Variants in SENP1 observed in about 807,000 individuals in gnomAD.
SENP1 encodes SUMO specific peptidase 1, also known as sentrin-specific protease 1.
In SENP1, 21 loss-of-function variants were observed where a neutral mutation model predicts 93.0. That is an observed-to-expected ratio of 0.23 (90% confidence interval 0.16 to 0.33). The LOEUF (loss-of-function observed/expected upper bound fraction) is 0.33. SENP1 is among the 10% of genes least tolerant of loss of function. The pLI is 1.00. For missense variants in SENP1, 591 were observed against 758.7 expected, an observed-to-expected ratio of 0.78 and a Z score of 2.60; for synonymous variants, 256 against 259.6, an observed-to-expected ratio of 0.99 and a Z score of 0.13.
chr12:48,055,086 G>A (rs141161949), intron 13 of SENP1: 524 of 224,578 alleles, frequency 2.3e-3, no homozygotes, highest in Non-Finnish European at 3.3e-3. Flanking sequence ...ACCAGTCGCC[G>A]TGGTATTTTC....
intron 13 of SENP1, 99 bp downstream of exon 13, chr12:48,063,611 T>A: frequency 8.4e-7 from 1 of 1,188,566 alleles, no homozygotes; most frequent in South Asian, 1.4e-5. Flanking sequence ...CCAATGCAGG[T>A]CATCCATGGA....
chr12:48,045,200 G>T lies in SENP1; in HGVS notation c.*122C>A. The T allele has an allele frequency of 1.4e-6, 1 of 739,384 alleles. No homozygotes were observed. Among genetic ancestry groups the T allele is most frequent in the Non-Finnish European group, 2.4e-6 (1 of 418,884 alleles). 45.8% of individuals were successfully genotyped at this position (739,384 alleles called of 1,614,324 possible). A position where few individuals can be genotyped will look rare whatever the true frequency, so the allele number is the denominator to read the frequency against. ...TTGTGAATGCATCTCGCCAGGGCCT[G>T]GTCCAGGATCAAGGGTGTTACAACA... is the stretch of plus-strand genomic sequence containing the variant. On this transcript the variant is annotated 3_prime_UTR_variant, in exon 18 of 18. Coordinates refer to ENST00000549518, the MANE Select transcript of SENP1 (RefSeq NM_001267594.2).
chr12:48,060,321 T>A (rs1942873888), intron 13 of SENP1, among the ~76,000 whole-genome samples: 1 of 152,240 alleles, frequency 6.6e-6, no homozygotes, highest in Non-Finnish European at 1.5e-5. Flanking sequence ...TAAATTTATC[T>A]GATGCCTTTT....
At chr12:48,089,758 T>C (rs1006140334) in intron 4 of SENP1, among the ~76,000 whole-genome samples, 1 of 152,174 alleles carries the variant, frequency 6.6e-6, no homozygotes, top group Non-Finnish European at 1.5e-5. Flanking sequence ...CAAAATAACT[T>C]CAGACATTAA....
intron 8 of SENP1, among the ~76,000 whole-genome samples, chr12:48,074,018 C>T (rs1464380174): frequency 6.6e-6 from 1 of 152,150 alleles, no homozygotes; most frequent in Non-Finnish European, 1.5e-5. Context: ...TTCAGTATCC[C>T]TTATCCAAAA....
Position 48,050,335 on chromosome 12 carries a change from G to C in SENP1, c.1408-1203C>G, listed in dbSNP as rs1941703592. On this transcript the variant is annotated intron_variant, in intron 13 of 17. Coordinates refer to ENST00000549518, the MANE Select transcript of SENP1 (RefSeq NM_001267594.2). ...AACGACATACTGGGTAGGCAGCAGGGGAACACTGCCAGGAACACACCGGAG... is the reference window on the plus strand; with the variant it reads ...AACGACATACTGGGTAGGCAGCAGGCGAACACTGCCAGGAACACACCGGAG... Among the ~76,000 whole-genome samples, 6 of 152,336 alleles carry C rather than the reference G, an allele frequency of 3.9e-5. No homozygotes were observed. The South Asian group carries it at 1.2e-3, about 32-fold the overall frequency.
intron 1 of SENP1, 45 bp downstream of exon 1, chr12:48,105,983 C>A (rs955578449): frequency 1.4e-5 from 10 of 699,978 alleles, no homozygotes; most frequent in South Asian, 4.5e-5. Flanking sequence ...CTGGACCAGG[C>A]TCCCTCCATC....
intron 4 of SENP1, 150 bp downstream of exon 4, chr12:48,096,193 A>G: frequency 1.8e-6 from 1 of 541,026 alleles, no homozygotes. Flanking sequence ...CCACATACAC[A>G]GGAAAAGCCA....
intron 8 of SENP1, among the ~76,000 whole-genome samples, 176 bp from the exon 9 acceptor site, chr12:48,071,897 T>C (rs556593036): frequency 2.6e-5 from 4 of 152,300 alleles, no homozygotes; most frequent in South Asian, 2.1e-4. Context: ...AGAACAGAAA[T>C]AGGTCTTAGT....
At chr12:48,077,518 T>A (rs1944183905) in intron 6 of SENP1, among the ~76,000 whole-genome samples, 1 of 152,212 alleles carries the variant, frequency 6.6e-6, no homozygotes, top group Admixed American at 6.5e-5. Flanking sequence ...GAAGAGACTG[T>A]CCTTTCCCTT....
chr12:48,083,290 T>A (rs1944614537), intron 6 of SENP1, among the ~76,000 whole-genome samples: 1 of 151,964 alleles, frequency 6.6e-6, no homozygotes, highest in South Asian at 2.1e-4. Context: ...CTAGCAAAGA[T>A]CAAAGAGAGA....
At chr12:48,104,952 T>C (rs1258343750) in intron 1 of SENP1, among the ~76,000 whole-genome samples, 2 of 152,228 alleles carry the variant, frequency 1.3e-5, no homozygotes, top group Non-Finnish European at 2.9e-5. Flanking sequence ...GGAAGTAGGT[T>C]AAGGGATCAT....
intron 2 of SENP1, among the ~76,000 whole-genome samples, chr12:48,100,423 G>A (rs1592491674): frequency 1.3e-5 from 2 of 152,186 alleles, no homozygotes; most frequent in African/African-American, 4.8e-5. Context: ...GTGAGGTCAG[G>A]AGTTCAAGAC....
At chr12:48,069,427 A>G (rs1196428955) in intron 9 of SENP1, among the ~76,000 whole-genome samples, 1 of 152,194 alleles carries the variant, frequency 6.6e-6, no homozygotes, top group African/African-American at 2.4e-5. Flanking sequence ...GCATTGCTCA[A>G]ACAGCCTTAC....
At chr12:48,085,189 C>A (rs1254566633) in intron 5 of SENP1, 3 of 1,469,376 alleles carry the variant, frequency 2.0e-6, no homozygotes, top group Middle Eastern at 1.7e-4. Flanking sequence ...GAGAAGGATA[C>A]GACCATCAAT....
chr12:48,087,568 A>T (rs1027850425), intron 5 of SENP1, among the ~76,000 whole-genome samples: 1 of 152,230 alleles, frequency 6.6e-6, no homozygotes, highest in African/African-American at 2.4e-5. Context: ...TAGGTATAGG[A>T]AAAGGTTTGG....
rs901218708 is a variant in SENP1, at chr12:48,104,967, A to T, written c.-45+1061T>A. Reference sequence around the variant, plus strand: ...GGAAGTAGGTTAAGGGATCATGCTTATAGAGATGCTTAAAGTTGCGCTTTA... The same window carrying T: ...GGAAGTAGGTTAAGGGATCATGCTTTTAGAGATGCTTAAAGTTGCGCTTTA... On this transcript the variant is annotated intron_variant, in intron 1 of 17. Transcript: ENST00000549518. Among the ~76,000 whole-genome samples, 13 of 152,354 alleles carry T rather than the reference A, an allele frequency of 8.5e-5. No homozygotes were observed. In the East Asian group the frequency reaches 2.3e-3, roughly 27 times the overall value.
chr12:48,085,348 A>G, intron 5 of SENP1: 1 of 1,441,818 alleles, frequency 6.9e-7, no homozygotes, highest in South Asian at 1.2e-5. Context: ...TCCAAGGAGC[A>G]CCCATATGAG....
In SENP1 at chr12:48,082,539, C is replaced by T. The variant is rs75059755; in HGVS notation, c.552+1052G>A. On this transcript the variant is annotated intron_variant, in intron 6 of 17. Coordinates refer to ENST00000549518, the MANE Select transcript of SENP1 (RefSeq NM_001267594.2). ...TAAAAGGATTAAAAACAATAATACA[C>T]GTGGAAAGTACACTGGAAGCTCTAA... 6.3e-4 allele frequency among the ~76,000 whole-genome samples: 96 copies of T among 151,452 alleles called. 1 individual carries two copies. The East Asian group carries it at 0.015, about 24-fold the overall frequency.
Sources: gnomAD v4.1 joint callset for allele counts (sites outside exome capture counted in the v4.1 genomes callset) on GRCh38, gnomAD v4.1.1 for gene constraint, MANE v1.5 for transcripts, NCBI Gene and HGNC (gene_info 2026-07-23, HGNC 2026-07-21) for gene names.